TBCD: variants seen among roughly 807,000 people sequenced by gnomAD.
TBCD encodes the protein tubulin-specific chaperone D.
TBCD carries 105 observed loss-of-function variants against 169.3 expected under a neutral mutation model. The observed-to-expected ratio is 0.62, with a 90% confidence interval of 0.53 to 0.73. The LOEUF is 0.73. TBCD is among the 30% of genes least tolerant of loss of function. The pLI, the probability that TBCD is intolerant of heterozygous loss-of-function variation, is 0.00. For missense variants in TBCD, 1,444 were observed against 1,600.1 expected (o/e 0.90, Z 1.66); for synonymous variants, 700 against 643.9 (o/e 1.09, Z -1.32).
intron 13 of TBCD, among the ~76,000 whole-genome samples, chr17:82,855,562 C>G (rs1462534470): frequency 6.6e-6 from 1 of 152,064 alleles, no homozygotes; most frequent in Non-Finnish European, 1.5e-5. Context: ...GCCACTGTGC[C>G]TGGCCAGGTG....
intron 8 of TBCD, among the ~76,000 whole-genome samples, chr17:82,799,647 C>T (rs78068300): frequency 0.02 from 3,102 of 152,282 alleles, 112 homozygotes; most frequent in African/African-American, 0.07. Context: ...CACACAGTGC[C>T]ATCTCACCTG....
At chr17:82,761,441 G>C (rs113610225) in intron 2 of TBCD, among the ~76,000 whole-genome samples, 1 of 151,910 alleles carries the variant, frequency 6.6e-6, no homozygotes, top group African/African-American at 2.4e-5. Flanking sequence ...TTTGAGTTTC[G>C]GTAAATGTAT....
At chr17:82,775,419 A>G (rs1260464977) in intron 6 of TBCD, among the ~76,000 whole-genome samples, 1 of 152,118 alleles carries the variant, frequency 6.6e-6, no homozygotes, top group East Asian at 1.9e-4. Flanking sequence ...TGTACTTCTC[A>G]GACCCCTTTT....
Position 82,900,718 on chromosome 17 carries a change from A to G in TBCD, c.1717A>G (p.Ser573Gly). 1 of 1,613,918 alleles carries G rather than the reference A, an allele frequency of 6.2e-7. No individual in the cohort carries two copies. Residue 573 changes from serine (S) to glycine (G), a missense_variant, in exon 18 of 39, where the codon AGC becomes GGC. Ser to Gly is a moderately conservative substitution (Grantham distance 56). Coordinates refer to ENST00000355528, the MANE Select transcript of TBCD (RefSeq NM_005993.5). ...MIDHLVTMKI[S>G]HWDGVIRELA... ...AGACCACCTGGTTACCATGAAGATCAGCCACTGGGATGGGTAGGTTTTCTG... is the reference window on the plus strand; with the variant it reads ...AGACCACCTGGTTACCATGAAGATCGGCCACTGGGATGGGTAGGTTTTCTG...
rs191065476 is a variant in TBCD, at chr17:82,859,701, C to T, written c.1319-10523C>T. The T allele has an allele frequency of 2.7e-4, 267 of 985,424 alleles. 1 individual carries two copies. In the African/African-American group the frequency reaches 4.1e-3, roughly 15 times the overall value. 61.0% of individuals were successfully genotyped at this position (985,424 alleles called of 1,614,324 possible). On this transcript the variant is annotated intron_variant, in intron 13 of 38. Transcript: ENST00000355528. ...CAGAGGCTGGAGGCCAGGGCTTGCC[C>T]GCCGGGAGTGTGGCTGTGGAAAGAT... is the stretch of plus-strand genomic sequence containing the variant.
Position 82,857,784 on chromosome 17 carries a change from A to AT in TBCD, c.1319-12430dup, listed in dbSNP as rs1184595705. Among the ~76,000 whole-genome samples the AT allele has an allele frequency of 2.3e-3, 255 of 110,764 alleles. 4 individuals carry two copies. In the East Asian group the frequency reaches 0.03, roughly 13 times the overall value. 72.7% of individuals were successfully genotyped at this position (110,764 alleles called of 152,430 possible). ...TTTAATTTAATTTAATTTTTTTTTC[A>AT]TTTTTTTTTTAAATTATACTTTAAG... On this transcript the variant is annotated intron_variant, in intron 13 of 38. Transcript: ENST00000355528.
At chr17:82,842,558 C>T (rs1044487272) in intron 13 of TBCD, among the ~76,000 whole-genome samples, 2 of 152,172 alleles carry the variant, frequency 1.3e-5, no homozygotes, top group South Asian at 4.1e-4. Flanking sequence ...GCTCGGATCC[C>T]ATGTCGTCTT....
At chr17:82,862,540 A>G (rs1393835713) in intron 13 of TBCD, among the ~76,000 whole-genome samples, 1 of 152,156 alleles carries the variant, frequency 6.6e-6, no homozygotes, top group Non-Finnish European at 1.5e-5. Context: ...TATAAAGAGT[A>G]TAATCTCTCA....
At position 82,942,930 on chromosome 17, in the gene TBCD, C is replaced by T. The variant is rs995076094; in HGVS notation, c.*467C>T. ...AATCAGAGGTTCAAATGCTAGAGAACTGAGAAGCCCTGGTGGCAGGCATGG... is the reference window on the plus strand; with the variant it reads ...AATCAGAGGTTCAAATGCTAGAGAATTGAGAAGCCCTGGTGGCAGGCATGG... On this transcript the variant is annotated 3_prime_UTR_variant, in exon 39 of 39. Transcript: ENST00000355528. 3 of 201,850 alleles carry T rather than the reference C, an allele frequency of 1.5e-5. No homozygotes were observed. Among genetic ancestry groups the T allele is most frequent in the Admixed American group, 1.1e-4 (2 of 17,452 alleles). 12.5% of individuals were successfully genotyped at this position (201,850 alleles called of 1,614,324 possible).
chr17:82,754,040 C>G (rs949385929), intron 1 of TBCD, among the ~76,000 whole-genome samples: 2 of 151,872 alleles, frequency 1.3e-5, no homozygotes, highest in African/African-American at 4.8e-5. Context: ...CCACGCCCAC[C>G]TAATTTTTCG....
chr17:82,941,458 T>C lies in TBCD; in HGVS notation c.3539T>C (p.Val1180Ala). 6.2e-7 allele frequency: 1 copy of C among 1,602,288 alleles called. No individual in the cohort carries two copies. Among genetic ancestry groups the C allele is most frequent in the Non-Finnish European group, 8.5e-7 (1 of 1,175,858 alleles). The change falls in exon 38 of 39, where the codon GTA becomes GCA. Residue 1180 changes from valine (V) to alanine (A), a missense_variant. Physicochemically the swap from Val to Ala is moderately conservative, Grantham distance 64. Coordinates refer to ENST00000355528, the MANE Select transcript of TBCD (RefSeq NM_005993.5). ...AACCGTCTGTGTGACCTTCTGGGCG[T>C]ACCCAGGCCCCAGCTGGTGCCCCAG... ...QRNRLCDLLG[V>A]PRPQLVPQPG... is the part of the protein sequence containing the mutation.
intron 7 of TBCD, 68 bp from the exon 8 acceptor site, chr17:82,797,688 CA>C: frequency 8.5e-7 from 1 of 1,176,090 alleles, no homozygotes; most frequent in South Asian, 1.5e-5. Context: ...ATTGTTTTCA[CA>C]ATTTGTGTGT....
intron 13 of TBCD, among the ~76,000 whole-genome samples, chr17:82,838,177 G>A (rs1439116280): frequency 6.6e-6 from 1 of 152,168 alleles, no homozygotes; most frequent in African/African-American, 2.4e-5. Flanking sequence ...TTGGCCATGG[G>A]GTTGTGTCTA....
intron 13 of TBCD, among the ~76,000 whole-genome samples, chr17:82,861,594 G>A (rs185902630): frequency 1.0e-3 from 154 of 152,326 alleles, no homozygotes; most frequent in African/African-American, 3.5e-3. Flanking sequence ...CTGTGATTGC[G>A]GCTGTCAGCC....
intron 7 of TBCD, among the ~76,000 whole-genome samples, chr17:82,788,507 G>A (rs1328579082): frequency 6.6e-6 from 1 of 152,036 alleles, no homozygotes; most frequent in African/African-American, 2.4e-5. Context: ...CCTTTGCAGT[G>A]CGGTTTCTTT....
chr17:82,896,369 T>C (rs1040497568), intron 17 of TBCD, among the ~76,000 whole-genome samples: 1 of 151,784 alleles, frequency 6.6e-6, no homozygotes, highest in Non-Finnish European at 1.5e-5. Context: ...GCAGCTGCGG[T>C]GAACATGTGT....
chr17:82,876,220 G>A (rs1476125604), intron 14 of TBCD, among the ~76,000 whole-genome samples: 1 of 152,218 alleles, frequency 6.6e-6, no homozygotes, highest in Non-Finnish European at 1.5e-5. Context: ...ACTCGGACAG[G>A]AAAGAGAATC....
chr17:82,883,175 A>C (rs761914798), intron 14 of TBCD, among the ~76,000 whole-genome samples: 2 of 152,242 alleles, frequency 1.3e-5, no homozygotes, highest in Non-Finnish European at 2.9e-5. Context: ...AGGTCTGTCA[A>C]CTTCCCTGGA....
At chr17:82,820,176 C>T (rs1448146222) in intron 13 of TBCD, among the ~76,000 whole-genome samples, 2 of 152,158 alleles carry the variant, frequency 1.3e-5, no homozygotes, top group Admixed American at 1.3e-4. Context: ...CCAGATTTCT[C>T]CATGTTGGCC....
Sources: gnomAD v4.1 joint callset for allele counts (sites outside exome capture counted in the v4.1 genomes callset) on GRCh38, gnomAD v4.1.1 for gene constraint, MANE v1.5 for transcripts, NCBI Gene and HGNC (gene_info 2026-07-23, HGNC 2026-07-21) for gene names.